The following SPTLC2 variants were observed in gnomAD, a reference collection of about 807,000 sequenced individuals.
SPTLC2 encodes the protein serine palmitoyltransferase 2.
In SPTLC2, 21 loss-of-function variants were observed where a neutral mutation model predicts 62.0. That is an observed-to-expected ratio of 0.34 (90% CI 0.24 to 0.49). The LOEUF is 0.49. Among genes scored for constraint, SPTLC2 ranks in the 20% least tolerant of loss-of-function variants. The pLI, the probability that SPTLC2 is intolerant of heterozygous loss-of-function variation, is 0.99. For synonymous variants in SPTLC2, 261 were observed against 261.8 expected (o/e 1.00, Z 0.03); for missense variants, 511 against 713.0 (o/e 0.72, Z 3.23).
intron 9 of SPTLC2, chr14:77,535,618 T>G (rs1329611737): frequency 6.1e-6 from 1 of 163,462 alleles, no homozygotes. Flanking sequence ...AAATATTTAA[T>G]GAATGAATGA....
At chr14:77,535,212 C>G (rs2140004218) in intron 9 of SPTLC2, among the ~76,000 whole-genome samples, 1 of 152,246 alleles carries the variant, frequency 6.6e-6, no homozygotes, top group Non-Finnish European at 1.5e-5. Context: ...CAGCTGTGAG[C>G]CACCACACCC....
Position 77,616,584 on chromosome 14 carries a change from C to T in SPTLC2, c.-5G>A. ...GCCTCCGGGCTCCGGCCGCATCTTC[C>T]TGGCAGCACCAGGCGCAAGGCAGGC... On this transcript the variant is annotated 5_prime_UTR_variant, in exon 1 of 12. Transcript: ENST00000216484. The T allele has an allele frequency of 1.9e-6, 3 of 1,538,664 alleles. No homozygotes were observed. The highest frequency in any genetic ancestry group is 2.6e-6 in the Non-Finnish European group (3 of 1,148,426).
chr14:77,615,897 C>T (rs1436734794), intron 1 of SPTLC2, among the ~76,000 whole-genome samples: 1 of 152,144 alleles, frequency 6.6e-6, no homozygotes, highest in African/African-American at 2.4e-5. Context: ...GGATTCCCTG[C>T]CAGATCTATG....
chr14:77,536,707 A>G (rs181051512), intron 9 of SPTLC2, among the ~76,000 whole-genome samples: 1 of 152,210 alleles, frequency 6.6e-6, no homozygotes, highest in East Asian at 1.9e-4. Flanking sequence ...AAGACAAGTG[A>G]TAACTTTTAA....
chr14:77,549,108 G>C (rs911766563), intron 9 of SPTLC2, among the ~76,000 whole-genome samples: 1 of 152,022 alleles, frequency 6.6e-6, no homozygotes, highest in African/African-American at 2.4e-5. Context: ...GTGGATCATG[G>C]GGAGGATCCT....
chr14:77,548,474 T>C (rs985950183), intron 9 of SPTLC2, among the ~76,000 whole-genome samples: 1 of 152,260 alleles, frequency 6.6e-6, no homozygotes, highest in Non-Finnish European at 1.5e-5. Context: ...CGTATGTAGA[T>C]ACTACAGCTA....
At chr14:77,608,154 A>G (rs2079914924) in intron 1 of SPTLC2, among the ~76,000 whole-genome samples, 1 of 152,168 alleles carries the variant, frequency 6.6e-6, no homozygotes, top group Non-Finnish European at 1.5e-5. Flanking sequence ...GCCAGACCCC[A>G]GGACCTTCTC....
rs982574635 is a variant in SPTLC2 at position 77,510,308 on chromosome 14, T to C, written c.*1976A>G. 1.6e-5 allele frequency: 3 copies of C among 188,062 alleles called. No homozygotes were observed. The highest frequency in any genetic ancestry group is 3.2e-5 in the Non-Finnish European group (3 of 92,480). The allele number at this position is 188,062 out of a possible 1,614,324, so 11.6% of individuals were successfully genotyped here. ...GCTGACAGTGACTAAACATAACTCA[T>C]ACTCAAGACATTAAAAACAAAACTT... On this transcript the variant is annotated 3_prime_UTR_variant, in exon 12 of 12. Coordinates refer to ENST00000216484, the MANE Select transcript of SPTLC2 (RefSeq NM_004863.4).
chr14:77,551,770 A>T (rs1212695429), intron 9 of SPTLC2, among the ~76,000 whole-genome samples: 1 of 152,210 alleles, frequency 6.6e-6, no homozygotes, highest in Non-Finnish European at 1.5e-5. Context: ...ATGAAACATC[A>T]CTAACAGTGA....
chr14:77,571,923 C>T (rs1248853841), intron 4 of SPTLC2, among the ~76,000 whole-genome samples: 6 of 151,884 alleles, frequency 4.0e-5, no homozygotes, highest in Admixed American at 2.0e-4. Flanking sequence ...CCCAAGTAGC[C>T]GGGATTACAG....
intron 9 of SPTLC2, among the ~76,000 whole-genome samples, chr14:77,543,054 GT>G (rs1366779479): frequency 6.6e-6 from 1 of 152,134 alleles, no homozygotes; most frequent in Non-Finnish European, 1.5e-5. Flanking sequence ...AAAGTCTTTT[GT>G]TTGTTTGTTT....
At chr14:77,585,648 G>A (rs2079776979) in intron 2 of SPTLC2, among the ~76,000 whole-genome samples, 1 of 152,010 alleles carries the variant, frequency 6.6e-6, no homozygotes, top group Non-Finnish European at 1.5e-5. Flanking sequence ...TGCATCCAGT[G>A]CAGGGAAAAA....
intron 1 of SPTLC2, 56 bp downstream of exon 1, chr14:77,616,392 C>A: frequency 8.9e-7 from 1 of 1,122,752 alleles, no homozygotes; most frequent in Non-Finnish European, 1.1e-6. Flanking sequence ...CCCGCCCGGC[C>A]GCCCCTCCGC....
rs1478198521 is a variant in SPTLC2 at position 77,531,443 on chromosome 14, T to TCTTCTTCTTCTTCTTCTC, written c.1304-9863_1304-9862insGAGAAGAAGAAGAAGAAG. On this transcript the variant is annotated intron_variant, in intron 9 of 11. Coordinates refer to ENST00000216484, the MANE Select transcript of SPTLC2 (RefSeq NM_004863.4). ...ACTTTCTTCTTCTTCTTCTTCTTCT[T>TCTTCTTCTTCTTCTTCTC]CTCCTCCTTCTCCTCCTCCTCCTCC... Among the ~76,000 whole-genome samples, 945 of 130,296 alleles carry TCTTCTTCTTCTTCTTCTC rather than the reference T, an allele frequency of 7.3e-3. 25 individuals carry two copies. The highest frequency in any genetic ancestry group is 0.022 in the African/African-American group (724 of 32,862). 85.5% of individuals were successfully genotyped at this position (130,296 alleles called of 152,430 possible). A position where few individuals can be genotyped will look rare whatever the true frequency, so the allele number is the denominator to read the frequency against.
intron 3 of SPTLC2, 173 bp downstream of exon 3, chr14:77,578,782 A>G (rs1337766265): frequency 1.5e-6 from 1 of 655,540 alleles, no homozygotes; most frequent in Non-Finnish European, 2.6e-6. Context: ...AATGTAATAG[A>G]AAGATATATC....
At chr14:77,546,140 G>A (rs1386084762) in intron 9 of SPTLC2, among the ~76,000 whole-genome samples, 1 of 152,222 alleles carries the variant, frequency 6.6e-6, no homozygotes, top group African/African-American at 2.4e-5. Context: ...TGCAACCTCA[G>A]AAGTAGAAGC....
intron 2 of SPTLC2, among the ~76,000 whole-genome samples, chr14:77,593,776 T>C (rs1204786554): frequency 2.0e-5 from 3 of 152,204 alleles, no homozygotes; most frequent in South Asian, 2.1e-4. Context: ...AATGAGGAAG[T>C]AGCAACATTA....
intron 9 of SPTLC2, among the ~76,000 whole-genome samples, chr14:77,548,145 G>C (rs1290251064): frequency 6.6e-6 from 1 of 152,066 alleles, no homozygotes; most frequent in East Asian, 1.9e-4. Context: ...ATTTAAAAAT[G>C]TATCTATTAA....
chr14:77,558,936 T>G (rs2079599959), intron 6 of SPTLC2, among the ~76,000 whole-genome samples: 1 of 152,172 alleles, frequency 6.6e-6, no homozygotes, highest in African/African-American at 2.4e-5. Flanking sequence ...GGCGATCAGC[T>G]GAAGACAAGT....
Sources: gnomAD v4.1 joint callset for allele counts (sites outside exome capture counted in the v4.1 genomes callset) on GRCh38, gnomAD v4.1.1 for gene constraint, MANE v1.5 for transcripts, NCBI Gene and HGNC (gene_info 2026-07-23, HGNC 2026-07-21) for gene names.